The following DCC variants were observed in gnomAD, a reference collection of about 807,000 sequenced individuals.
DCC encodes netrin receptor DCC.
In DCC, 58 loss-of-function variants were observed where a neutral mutation model predicts 172.5. That is an observed-to-expected ratio of 0.34 (90% CI 0.27 to 0.42). The LOEUF is 0.42. DCC is among the 10% of genes least tolerant of loss of function. The pLI is 1.00. For missense variants in DCC, 1,740 were observed against 1,791.0 expected (o/e 0.97, Z 0.51); for synonymous variants, 709 against 644.5 (o/e 1.10, Z -1.52).
At chr18:53,011,934 T>C (rs903844147) in intron 5 of DCC, among the ~76,000 whole-genome samples, 1 of 151,820 alleles carries the variant, frequency 6.6e-6, no homozygotes, top group African/African-American at 2.4e-5. Context: ...AGACAAAATA[T>C]ATGGAAAACT....
intron 1 of DCC, among the ~76,000 whole-genome samples, chr18:52,648,555 T>C (rs1035698074): frequency 6.6e-6 from 1 of 152,202 alleles, no homozygotes; most frequent in African/African-American, 2.4e-5. Context: ...GTAGCACAAT[T>C]ACAGGAGCCA....
chr18:53,022,119 A>G (rs1295200423), intron 5 of DCC, among the ~76,000 whole-genome samples: 2 of 152,228 alleles, frequency 1.3e-5, no homozygotes, highest in Admixed American at 6.5e-5. Flanking sequence ...AATCTATATT[A>G]TAATGTATAT....
intron 1 of DCC, among the ~76,000 whole-genome samples, chr18:52,701,862 A>G (rs549610267): frequency 6.6e-6 from 1 of 152,258 alleles, no homozygotes; most frequent in South Asian, 2.1e-4. Context: ...CTTCTGATAA[A>G]CCCCAGTTAC....
chr18:52,345,660 C>T (rs956390273), intron 1 of DCC, among the ~76,000 whole-genome samples: 1 of 152,212 alleles, frequency 6.6e-6, no homozygotes, highest in African/African-American at 2.4e-5. Context: ...CCAAGAAAGC[C>T]TTTCTCACTC....
chr18:52,990,433 G>GAC (rs2041366871), intron 5 of DCC, among the ~76,000 whole-genome samples: 1 of 151,478 alleles, frequency 6.6e-6, no homozygotes, highest in South Asian at 2.1e-4. Flanking sequence ...CCAGCTACTT[G>GAC]GGAGGCTGAG....
At chr18:52,387,622 C>CCTTCCTT (rs1481075067) in intron 1 of DCC, among the ~76,000 whole-genome samples, 1 of 151,176 alleles carries the variant, frequency 6.6e-6, no homozygotes, top group African/African-American at 2.4e-5. Flanking sequence ...TTCCTTCCTT[C>CCTTCCTT]CTTCCTTCCT....
At chr18:53,054,070 T>C (rs952972914) in intron 5 of DCC, among the ~76,000 whole-genome samples, 5 of 152,154 alleles carry the variant, frequency 3.3e-5, no homozygotes, top group Admixed American at 6.6e-5. Context: ...ATTCCTGATA[T>C]ATAATGTTGT....
chr18:53,273,097 C>A (rs2056766524), intron 12 of DCC, among the ~76,000 whole-genome samples: 1 of 152,050 alleles, frequency 6.6e-6, no homozygotes, highest in Non-Finnish European at 1.5e-5. Flanking sequence ...TTTTCAAGAG[C>A]AGTAAGATCA....
At chr18:53,021,809 T>A (rs2041885497) in intron 5 of DCC, among the ~76,000 whole-genome samples, 1 of 152,172 alleles carries the variant, frequency 6.6e-6, no homozygotes, top group Non-Finnish European at 1.5e-5. Flanking sequence ...ACTTGATGGA[T>A]TTTGCACAAT....
intron 2 of DCC, among the ~76,000 whole-genome samples, chr18:52,839,239 A>G (rs1328818006): frequency 1.3e-5 from 2 of 152,212 alleles, no homozygotes; most frequent in Non-Finnish European, 2.9e-5. Flanking sequence ...GAAGTTTTCT[A>G]TTAAGGTGAT....
At position 53,450,522 on chromosome 18, in the gene DCC, C is replaced by T. The variant is rs759412194; in HGVS notation, c.3252C>T (p.His1084=). The T allele has an allele frequency of 2.5e-6, 4 of 1,613,628 alleles. No individual in the cohort carries two copies. Among genetic ancestry groups the T allele is most frequent in the South Asian group, 2.2e-5 (2 of 91,070 alleles). The part of the protein sequence containing the change: ...TLNEPPIGQM[H]PPHGSVTPQK... Reference sequence around the variant, plus strand: ...CAGAGCCGCCAATTGGACAAATGCACCCCCCGCATGGCAGTGTCACTCCTC... The same window carrying T: ...CAGAGCCGCCAATTGGACAAATGCATCCCCCGCATGGCAGTGTCACTCCTC... The change falls in exon 23 of 29, where the codon CAC becomes CAT. Residue 1084 remains histidine, a synonymous_variant. Coordinates refer to ENST00000442544, the MANE Select transcript of DCC (RefSeq NM_005215.4).
At chr18:52,687,794 G>A (rs2035866452) in intron 1 of DCC, among the ~76,000 whole-genome samples, 3 of 152,082 alleles carry the variant, frequency 2.0e-5, no homozygotes, top group South Asian at 2.1e-4. Flanking sequence ...AACCAAGAGT[G>A]TATAGGTATT....
At chr18:53,208,325 T>C (rs2055689460) in intron 11 of DCC, among the ~76,000 whole-genome samples, 1 of 151,846 alleles carries the variant, frequency 6.6e-6, no homozygotes. Flanking sequence ...GTATATACTC[T>C]TGAGTCAGTA....
chr18:52,700,159 C>CAT (rs2036085014), intron 1 of DCC, among the ~76,000 whole-genome samples: 2 of 151,330 alleles, frequency 1.3e-5, no homozygotes, highest in Non-Finnish European at 2.9e-5. Context: ...CACACACACA[C>CAT]ATGCACACGC....
chr18:52,829,709 A>G (rs1488675168), intron 2 of DCC, among the ~76,000 whole-genome samples: 1 of 152,116 alleles, frequency 6.6e-6, no homozygotes, highest in East Asian at 1.9e-4. Context: ...ACTCACCAAA[A>G]ATTACTGAGT....
chr18:52,521,296 C>T (rs899476224), intron 1 of DCC, among the ~76,000 whole-genome samples: 27 of 152,122 alleles, frequency 1.8e-4, no homozygotes, highest in African/African-American at 6.5e-4. Context: ...ATTTGAGGTT[C>T]ACATTTAAAC....
intron 7 of DCC, among the ~76,000 whole-genome samples, chr18:53,076,634 C>A (rs1462482622): frequency 6.9e-6 from 1 of 145,674 alleles, no homozygotes; most frequent in Non-Finnish European, 1.5e-5. Context: ...GTCTCAAATA[C>A]TTTGTGAGTC....
chr18:53,256,746 A>G (rs1162431452), intron 12 of DCC, among the ~76,000 whole-genome samples: 1 of 152,164 alleles, frequency 6.6e-6, no homozygotes, highest in East Asian at 1.9e-4. Flanking sequence ...CAATTCTGTG[A>G]AGAAAGTCAT....
intron 27 of DCC, among the ~76,000 whole-genome samples, chr18:53,522,068 C>G (rs1273258545): frequency 1.3e-5 from 2 of 152,052 alleles, no homozygotes; most frequent in African/African-American, 2.4e-5. Context: ...TTGGTAGATA[C>G]CTTCTCAAGG....
Sources: allele counts gnomAD v4.1 joint callset (sites outside exome capture counted in the v4.1 genomes callset), GRCh38; gene constraint gnomAD v4.1.1; transcripts MANE v1.5; gene names NCBI Gene and HGNC (gene_info 2026-07-23, HGNC 2026-07-21).